Variants in TMEM160 observed in about 807,000 individuals in gnomAD.
TMEM160 encodes transmembrane protein 160.
In TMEM160, 10 loss-of-function variants were observed where a neutral mutation model predicts 13.9. The observed-to-expected ratio is 0.72, with a 90% CI of 0.45 to 1.22. TMEM160 has a LOEUF of 1.22. Among genes scored for constraint, TMEM160 ranks in the 50% most tolerant of loss-of-function variants. The probability of loss-of-function intolerance (pLI) is 0.00; values close to 1 mark genes in which losing one functional copy is unlikely to be tolerated. For synonymous variants in TMEM160, 159 were observed against 134.8 expected (o/e 1.18, Z -1.25); for missense variants, 287 against 283.2 (o/e 1.01, Z -0.10).
intron 1 of TMEM160, 119 bp from the exon 2 acceptor site, chr19:47,046,804 G>A (rs990386071): frequency 4.0e-6 from 3 of 743,758 alleles, no homozygotes; most frequent in Non-Finnish European, 6.9e-6. Context: ...CCAGCCGCAA[G>A]GCAAGCCCAT....
intron 1 of TMEM160, 76 bp downstream of exon 1, chr19:47,048,331 C>A: frequency 4.0e-6 from 5 of 1,264,884 alleles, no homozygotes; most frequent in Non-Finnish European, 5.3e-6. Flanking sequence ...CCTGCAGAAG[C>A]CCCCGCCCCA....
At chr19:47,046,443 GGAGGGGTGTCTTCTGGTGGGGGAAGAAT>G (rs2057080475) in intron 2 of TMEM160, 122 bp downstream of exon 2, 1 of 919,618 alleles carries the variant, frequency 1.1e-6, no homozygotes, top group South Asian at 1.5e-5. Flanking sequence ...AGTGCCTATG[GGAGGGGTGTCTTCTGGTGGGGGAAGAAT>G]GGGGGTTCTA....
chr19:47,046,732 C>T (rs10411485), intron 1 of TMEM160, 47 bp from the exon 2 acceptor site: 38,988 of 1,359,450 alleles, frequency 0.029, 2,950 homozygotes, highest in African/African-American at 0.28. Context: ...CCCAACCCTA[C>T]CTCCTCAATC....
Position 47,046,617 on chromosome 19 carries a change from C to T in TMEM160, c.277G>A (p.Asp93Asn), listed in dbSNP as rs760855236. 1 of 1,613,490 alleles carries T rather than the reference C, an allele frequency of 6.2e-7. No homozygotes were observed. Among genetic ancestry groups the T allele is most frequent in the Admixed American group, 1.7e-5 (1 of 59,972 alleles). ...CCATATGCTGCTTCCCGACCCATGT[C>T]ACTCTGCATGAAGGAGATGACCCCG... ...GIGVISFMQSDMGREAAYGFF... is the reference protein window; with the variant it reads ...GIGVISFMQSNMGREAAYGFF... Residue 93 changes from aspartate (D) to asparagine (N), a missense_variant, in exon 2 of 3, where the codon GAC (aspartate) becomes AAC (asparagine). Coordinates refer to ENST00000253047, the MANE Select transcript of TMEM160 (RefSeq NM_017854.2).
At chr19:47,046,890 T>C (rs558636595) in intron 1 of TMEM160, among the ~76,000 whole-genome samples, 4 of 152,132 alleles carry the variant, frequency 2.6e-5, no homozygotes, top group Non-Finnish European at 5.9e-5. Context: ...TCCACCTCAG[T>C]GCCCCTCTCC....
chr19:47,048,616 A>T lies in TMEM160; in HGVS notation c.-2T>A. On this transcript the variant is annotated 5_prime_UTR_variant, in exon 1 of 3. Coordinates refer to ENST00000253047, the MANE Select transcript of TMEM160 (RefSeq NM_017854.2). ...AGCCCACCACCAGCCGCCTCCCATG[A>T]TTCGCACTACGGCCGCCGCGCGCCG... 3 of 1,535,104 alleles carry T rather than the reference A, an allele frequency of 2.0e-6. No homozygotes were observed. Among genetic ancestry groups the T allele is most frequent in the Non-Finnish European group, 2.6e-6 (3 of 1,150,384 alleles).
At chr19:47,048,316 C>G in intron 1 of TMEM160, 91 bp downstream of exon 1, 5 of 1,172,416 alleles carry the variant, frequency 4.3e-6, no homozygotes, top group Non-Finnish European at 5.8e-6. Context: ...GCCCGGGCCC[C>G]GTTTCCTGCA....
intron 2 of TMEM160, 89 bp from the exon 3 acceptor site, chr19:47,046,341 G>A (rs1257151824): frequency 4.2e-6 from 6 of 1,429,694 alleles, no homozygotes; most frequent in Non-Finnish European, 5.6e-6. Flanking sequence ...ACAGAGGCAG[G>A]GCCGTGCCAG....
At position 47,046,646 on chromosome 19, in the gene TMEM160, C is replaced by G; in HGVS notation, c.248G>C (p.Gly83Ala). 10 of 1,613,408 alleles carry G rather than the reference C, an allele frequency of 6.2e-6. No homozygotes were observed. Among genetic ancestry groups the G allele is most frequent in the Non-Finnish European group, 8.5e-6 (10 of 1,179,882 alleles). Residue 83 changes from glycine (G) to alanine (A), a missense_variant, in exon 2 of 3, where the codon GGC (glycine) becomes GCC (alanine). Gly to Ala is a moderately conservative substitution (Grantham distance 60). Transcript: ENST00000253047. Reference protein sequence around the residue: ...SWFRNGLLASGIGVISFMQSD... With the variant: ...SWFRNGLLASAIGVISFMQSD... Reference sequence around the variant, plus strand: ...CTGCATGAAGGAGATGACCCCGATGCCCGATGCCAGGAGGCCATTGCGGAA... The same window carrying G: ...CTGCATGAAGGAGATGACCCCGATGGCCGATGCCAGGAGGCCATTGCGGAA...
In TMEM160 at chr19:47,046,593, C is replaced by T. The variant is rs762794457; in HGVS notation, c.301G>A (p.Gly101Ser). 2 of 1,612,776 alleles carry T rather than the reference C, an allele frequency of 1.2e-6. No homozygotes were observed. Among genetic ancestry groups the T allele is most frequent in the Non-Finnish European group, 1.7e-6 (2 of 1,179,476 alleles). ...QSDMGREAAY[G>S]FFLLGGLCVV... ...GGCGAGAGGGGGGGTCTGCACTCAC[C>T]ATATGCTGCTTCCCGACCCATGTCA... Residue 101 changes from glycine (G) to serine (S), a missense_variant and splice_region_variant, in exon 2 of 3, where the codon GGC (glycine) becomes AGC (serine). Coordinates refer to ENST00000253047, the MANE Select transcript of TMEM160 (RefSeq NM_017854.2).
intron 1 of TMEM160, 24 bp from the exon 2 acceptor site, chr19:47,046,709 G>A (rs747016439): frequency 1.8e-5 from 27 of 1,542,478 alleles, no homozygotes; most frequent in Non-Finnish European, 2.2e-5. Context: ...GACATGGGGG[G>A]ATTAACATCA....
At position 47,048,588 on chromosome 19, in the gene TMEM160, C is replaced by G; in HGVS notation, c.27G>C (p.Arg9=). ...AGCGAAGACGGGCAAGGCGAGCGGCCCGAGCCCACCACCAGCCGCCTCCCA... is the reference window on the plus strand; with the variant it reads ...AGCGAAGACGGGCAAGGCGAGCGGCGCGAGCCCACCACCAGCCGCCTCCCA... MGGGWWWA[R]AARLARLRFR... is the part of the protein sequence containing the mutation. Residue 9 remains arginine, a synonymous_variant, in exon 1 of 3, where the codon CGG becomes CGC. Coordinates refer to ENST00000253047, the MANE Select transcript of TMEM160 (RefSeq NM_017854.2). 1 of 1,529,144 alleles carries G rather than the reference C, an allele frequency of 6.5e-7. No individual in the cohort carries two copies. The highest frequency in any genetic ancestry group is 8.7e-7 in the Non-Finnish European group (1 of 1,147,708). 94.7% of individuals were successfully genotyped at this position (1,529,144 alleles called of 1,614,324 possible). A position where few individuals can be genotyped will look rare whatever the true frequency, so the allele number is the denominator to read the frequency against.
chr19:47,047,309 C>T (rs1002829319), intron 1 of TMEM160: 4 of 985,270 alleles, frequency 4.1e-6, no homozygotes, highest in African/African-American at 1.7e-5. Flanking sequence ...TTGGCCAAAC[C>T]CCTCCCTCTA....
chr19:47,046,314 G>C (rs1437722785), intron 2 of TMEM160, 62 bp from the exon 3 acceptor site: 9 of 1,490,348 alleles, frequency 6.0e-6, no homozygotes, highest in Middle Eastern at 2.4e-4. Flanking sequence ...AGCAAAGCCA[G>C]GGTTGAGGAG....
chr19:47,046,680 G>A lies in TMEM160; in HGVS notation c.214C>T (p.Leu72Phe), dbSNP rs754515646. The change falls in exon 2 of 3, where the codon CTC becomes TTC. Residue 72 changes from leucine (L) to phenylalanine (F), a missense_variant. By Grantham distance (22) the Leu-to-Phe change is conservative. Transcript: ENST00000253047. Reference sequence around the variant, plus strand: ...AGGAGGCCATTGCGGAACCAGGAGAGGAAGGCTGGAGGGAGGGGGACATGG... The same window carrying A: ...AGGAGGCCATTGCGGAACCAGGAGAAGAAGGCTGGAGGGAGGGGGACATGG... ...LLRKAHETAF[L>F]SWFRNGLLAS... is the part of the protein sequence containing the mutation. 2 of 1,612,654 alleles carry A rather than the reference G, an allele frequency of 1.2e-6. No individual in the cohort carries two copies. The highest frequency in any genetic ancestry group is 1.7e-6 in the Non-Finnish European group (2 of 1,179,518).
At chr19:47,046,386 G>A in intron 2 of TMEM160, 134 bp from the exon 3 acceptor site, 2 of 1,198,720 alleles carry the variant, frequency 1.7e-6, no homozygotes, top group Non-Finnish European at 2.3e-6. Context: ...CAGATCGGAG[G>A]GGAGGGGACC....
At position 47,046,079 on chromosome 19, in the gene TMEM160, G is replaced by A. The variant is rs1460825226; in HGVS notation, c.475C>T (p.Gln159Ter). The A allele has an allele frequency of 1.3e-6, 2 of 1,544,210 alleles. No individual in the cohort carries two copies. Among genetic ancestry groups the A allele is most frequent in the Non-Finnish European group, 8.7e-7 (1 of 1,151,516 alleles). Reference sequence around the variant, plus strand: ...ACCAGCTCCACGTCCAGCTCCAGCTGCCCCATGTAGAGGCCCACGGCGCAC... The same window carrying A: ...ACCAGCTCCACGTCCAGCTCCAGCTACCCCATGTAGAGGCCCACGGCGCAC... ...WACAVGLYMG[Q>*]LELDVELVPE... is the part of the protein sequence containing the mutation. Residue 159 changes from glutamine to a stop codon, truncating the protein, a stop_gained, in exon 3 of 3, where the codon CAG becomes TAG. Transcript: ENST00000253047. LOFTEE classifies it high-confidence loss of function.
At chr19:47,048,020 G>C (rs1199826932) in intron 1 of TMEM160, among the ~76,000 whole-genome samples, 1 of 151,612 alleles carries the variant, frequency 6.6e-6, no homozygotes, top group African/African-American at 2.4e-5. Flanking sequence ...CCTCTTCTGC[G>C]GGGATCCACA....
Position 47,048,419 on chromosome 19 carries a change from CT to C in TMEM160, c.195del (p.Ala66ArgfsTer65). 1 of 1,477,088 alleles carries C rather than the reference CT, an allele frequency of 6.8e-7. No individual in the cohort carries two copies. The allele number at this position is 1,477,088 out of a possible 1,614,324, so 91.5% of individuals were successfully genotyped here. A position where few individuals can be genotyped will look rare whatever the true frequency, so the allele number is the denominator to read the frequency against. ...CCTAGCCACCGACCTGTCTCGTGCG[CT>C]TTTCGGAGGAGCCAGGCGTCCGCAC... ...LDRADAWLLR[K>X]AHETAFLSWF... is the part of the protein sequence containing the mutation. On this transcript the variant is annotated frameshift_variant, in exon 1 of 3. Transcript: ENST00000253047. LOFTEE classifies it high-confidence loss of function.
Sources: allele counts gnomAD v4.1 joint callset (sites outside exome capture counted in the v4.1 genomes callset), GRCh38; gene constraint gnomAD v4.1.1; transcripts MANE v1.5; gene names NCBI Gene and HGNC (gene_info 2026-07-23, HGNC 2026-07-21).